The following BBS10 variants were observed in gnomAD, a reference collection of about 807,000 sequenced individuals.
BBS10 encodes Bardet-Biedl syndrome 10, also known as BBSome complex assembly protein BBS10.
BBS10 carries 13 observed loss-of-function variants against 12.7 expected under a neutral mutation model. The observed-to-expected ratio is 1.03, with a 90% confidence interval of 0.67 to 1.63. BBS10 has a LOEUF of 1.63. BBS10 is among the 40% of genes most tolerant of loss of function. BBS10 has a pLI of 0.00. For synonymous variants in BBS10, 294 were observed against 304.8 expected (o/e 0.96, Z 0.37); for missense variants, 858 against 858.0 (o/e 1.00, Z 0.00).
chr12:76,348,398 C>G lies in BBS10; in HGVS notation c.-40G>C. The G allele has an allele frequency of 6.5e-7, 1 of 1,545,760 alleles. No homozygotes were observed. The highest frequency in any genetic ancestry group is 1.4e-5 in the African/African-American group (1 of 73,172). On this transcript the variant is annotated 5_prime_UTR_variant, in exon 1 of 2. Transcript: ENST00000650064. ...CCCTTTTTGACCAGCTTGCAGAACACCCGGGCCGACCGAAAACAGGGGTGG... is the reference window on the plus strand; with the variant it reads ...CCCTTTTTGACCAGCTTGCAGAACAGCCGGGCCGACCGAAAACAGGGGTGG...
In BBS10 at chr12:76,345,710, A is replaced by AT; in HGVS notation, c.*102dup. 1.9e-6 allele frequency: 2 copies of AT among 1,062,236 alleles called. No individual in the cohort carries two copies. Among genetic ancestry groups the AT allele is most frequent in the Non-Finnish European group, 2.8e-6 (2 of 703,662 alleles). The allele number at this position is 1,062,236 out of a possible 1,614,324, so 65.8% of individuals were successfully genotyped here. A position where few individuals can be genotyped will look rare whatever the true frequency, so the allele number is the denominator to read the frequency against. On this transcript the variant is annotated 3_prime_UTR_variant, in exon 2 of 2. Coordinates refer to ENST00000650064, the MANE Select transcript of BBS10 (RefSeq NM_024685.4). ...TTCTAAAGACTTTTAAAGTTACGCT[A>AT]TTTTCCTAAGTAGACTGAACTGACT...
rs956772858 is a variant in BBS10 at position 76,344,667 on chromosome 12, G to A, written c.*1146C>T. ...CAACACTTATTCAACTATAATTAAAGTTTTTTTTCTTCAGTCAATCCCAAG... is the reference window on the plus strand; with the variant it reads ...CAACACTTATTCAACTATAATTAAAATTTTTTTTCTTCAGTCAATCCCAAG... On this transcript the variant is annotated 3_prime_UTR_variant, in exon 2 of 2. Transcript: ENST00000650064. The A allele has an allele frequency of 1.3e-5, 2 of 152,002 alleles. No homozygotes were observed. The highest frequency in any genetic ancestry group is 2.1e-4 in the South Asian group (1 of 4,814). 9.4% of individuals were successfully genotyped at this position (152,002 alleles called of 1,614,324 possible).
At position 76,347,210 on chromosome 12, in the gene BBS10, T is replaced by C; in HGVS notation, c.775A>G (p.Ile259Val). Reference protein sequence around the residue: ...RPADGDMRMVIVTETIQPLFS... With the variant: ...RPADGDMRMVVVTETIQPLFS... ...AGAGGCTGAATGGTTTCTGTTACTA[T>C]CACCATTCGCATGTCACCATCTGCT... The change falls in exon 2 of 2, where the codon ATA becomes GTA. Residue 259 changes from isoleucine to valine, a missense_variant. Coordinates refer to ENST00000650064, the MANE Select transcript of BBS10 (RefSeq NM_024685.4). The C allele has an allele frequency of 1.2e-6, 2 of 1,611,784 alleles. No homozygotes were observed. Among genetic ancestry groups the C allele is most frequent in the Non-Finnish European group, 1.7e-6 (2 of 1,179,926 alleles).
rs79517322 is a variant in BBS10 at position 76,345,315 on chromosome 12, T to C, written c.*498A>G. ...TTTACTCACTGCTAATTTAATTTTATGCTTTTTGAAAAAAATAATTTGAGC... is the reference window on the plus strand; with the variant it reads ...TTTACTCACTGCTAATTTAATTTTACGCTTTTTGAAAAAAATAATTTGAGC... On this transcript the variant is annotated 3_prime_UTR_variant, in exon 2 of 2. Coordinates refer to ENST00000650064, the MANE Select transcript of BBS10 (RefSeq NM_024685.4). 0.07 allele frequency: 10,743 copies of C among 152,716 alleles called. 506 individuals carry two copies. Among genetic ancestry groups the C allele is most frequent in the Middle Eastern group, 0.15 (45 of 294 alleles). The allele number at this position is 152,716 out of a possible 1,614,324, so 9.5% of individuals were successfully genotyped here. A position where few individuals can be genotyped will look rare whatever the true frequency, so the allele number is the denominator to read the frequency against.
At position 76,347,170 on chromosome 12, in the gene BBS10, C is replaced by A. The variant is rs781723681; in HGVS notation, c.815G>T (p.Gly272Val). The A allele has an allele frequency of 6.2e-7, 1 of 1,610,946 alleles. No individual in the cohort carries two copies. Among genetic ancestry groups the A allele is most frequent in the East Asian group, 2.2e-5 (1 of 44,876 alleles). ...ETIQPLFSTS[G>V]SEFILNSEAQ... ...TTCTGAATTTAGAATAAACTCTGAT[C>A]CAGAAGTGGAAAAAAGAGGCTGAAT... is the stretch of plus-strand genomic sequence containing the variant. The change falls in exon 2 of 2, where the codon GGA becomes GTA. Residue 272 changes from glycine to valine, a missense_variant. Gly to Val is a moderately radical substitution (Grantham distance 109). Coordinates refer to ENST00000650064, the MANE Select transcript of BBS10 (RefSeq NM_024685.4).
Position 76,346,668 on chromosome 12 carries a change from T to C in BBS10, c.1317A>G (p.Gln439=), listed in dbSNP as rs1951761340. 6.2e-7 allele frequency: 1 copy of C among 1,613,978 alleles called. No individual in the cohort carries two copies. The highest frequency in any genetic ancestry group is 1.3e-5 in the African/African-American group (1 of 74,928). The change falls in exon 2 of 2, where the codon CAA becomes CAG. Residue 439 remains glutamine (Q), a synonymous_variant. Coordinates refer to ENST00000650064, the MANE Select transcript of BBS10 (RefSeq NM_024685.4). Reference sequence around the variant, plus strand: ...AAATAAAAAGACTTGAAGTGCCATTTTGGTCATTGGTTTGTGTCATGTAAT... The same window carrying C: ...AAATAAAAAGACTTGAAGTGCCATTCTGGTCATTGGTTTGTGTCATGTAAT... ...DLNYMTQTND[Q]NGTSSLFIYK... is the part of the protein sequence containing the mutation.
chr12:76,346,605 A>G lies in BBS10; in HGVS notation c.1380T>C (p.Pro460=). The change falls in exon 2 of 2, where the codon CCT becomes CCC. Residue 460 remains proline (P), a synonymous_variant. Coordinates refer to ENST00000650064, the MANE Select transcript of BBS10 (RefSeq NM_024685.4). Reference sequence around the variant, plus strand: ...AAGGCCTTTGTATTGAGCCATTACCAGGATCTGGTGCTTGATAACTTTCTC... The same window carrying G: ...AAGGCCTTTGTATTGAGCCATTACCGGGATCTGGTGCTTGATAACTTTCTC... The part of the protein sequence containing the change: ...NSGESYQAPD[P]GNGSIQRPYQ... 6.2e-7 allele frequency: 1 copy of G among 1,614,134 alleles called. No individual in the cohort carries two copies. The highest frequency in any genetic ancestry group is 8.5e-7 in the Non-Finnish European group (1 of 1,179,988).
chr12:76,347,173 GAA>G lies in BBS10; in HGVS notation c.810_811del (p.Ser271TrpfsTer32). 6.2e-7 allele frequency: 1 copy of G among 1,611,000 alleles called. No homozygotes were observed. Among genetic ancestry groups the G allele is most frequent in the Non-Finnish European group, 8.5e-7 (1 of 1,179,992 alleles). On this transcript the variant is annotated frameshift_variant, in exon 2 of 2. Transcript: ENST00000650064. LOFTEE classifies it low-confidence loss of function (END_TRUNC). ...TGAATTTAGAATAAACTCTGATCCA[GAA>G]GTGGAAAAAAGAGGCTGAATGGTTT...
At position 76,346,020 on chromosome 12, in the gene BBS10, T is replaced by C. The variant is rs1286938432; in HGVS notation, c.1965A>G (p.Pro655=). 22 of 1,613,884 alleles carry C rather than the reference T, an allele frequency of 1.4e-5. 1 individual carries two copies. The highest frequency in any genetic ancestry group is 1.8e-5 in the Non-Finnish European group (21 of 1,179,904). The change falls in exon 2 of 2, where the codon CCA becomes CCG. Residue 655 remains proline, a synonymous_variant. Coordinates refer to ENST00000650064, the MANE Select transcript of BBS10 (RefSeq NM_024685.4). ...CATGGACAGCTCTTATATATGTATG[T>C]GGAAAGCTGTACTTTCCTGTTTTAG... The part of the protein sequence containing the change: ...YKSKTGKYSF[P]HTYIRAVHAL...
rs762271852 is a variant in BBS10, at chr12:76,346,458, G to C, written c.1527C>G (p.Pro509=). ...GGAATGTATCTGTTGGTGTCAGTGT[G>C]GGGGTTGAATACGGAATATATGTTT... ...ELETYIPYST[P]TLTPTDTFQT... is the part of the protein sequence containing the mutation. The change falls in exon 2 of 2, where the codon CCC becomes CCG. Residue 509 remains proline, a synonymous_variant. Transcript: ENST00000650064. 19 of 1,614,012 alleles carry C rather than the reference G, an allele frequency of 1.2e-5. No individual in the cohort carries two copies. The highest frequency in any genetic ancestry group is 1.4e-5 in the Non-Finnish European group (17 of 1,179,996).
rs369568667 is a variant in BBS10, at chr12:76,348,202, G to A, written c.157C>T (p.Arg53Cys). ...GEVLLSRNGG[R>C]LLEALHLEHP... is the part of the protein sequence containing the mutation. Reference sequence around the variant, plus strand: ...TCTAAGTGTAGCGCCTCCAGGAGGCGGCCTCCATTCCGGCTGAGAAGCACC... The same window carrying A: ...TCTAAGTGTAGCGCCTCCAGGAGGCAGCCTCCATTCCGGCTGAGAAGCACC... The change falls in exon 1 of 2, where the codon CGC becomes TGC. Residue 53 changes from arginine to cysteine, a missense_variant. Arg to Cys is a radical substitution (Grantham distance 180). Coordinates refer to ENST00000650064, the MANE Select transcript of BBS10 (RefSeq NM_024685.4). 6.2e-7 allele frequency: 1 copy of A among 1,613,274 alleles called. No individual in the cohort carries two copies. Among genetic ancestry groups the A allele is most frequent in the African/African-American group, 1.3e-5 (1 of 74,900 alleles).
In BBS10 at chr12:76,348,372, C is replaced by G; in HGVS notation, c.-14G>C. The G allele has an allele frequency of 3.2e-6, 5 of 1,565,596 alleles. No homozygotes were observed. Among genetic ancestry groups the G allele is most frequent in the Non-Finnish European group, 4.3e-6 (5 of 1,155,614 alleles). Reference sequence around the variant, plus strand: ...AGAACTTAACATATCTGGGCCGCTTCCCCTTTTTGACCAGCTTGCAGAACA... The same window carrying G: ...AGAACTTAACATATCTGGGCCGCTTGCCCTTTTTGACCAGCTTGCAGAACA... On this transcript the variant is annotated 5_prime_UTR_variant, in exon 1 of 2. Transcript: ENST00000650064.
rs1951757790 is a variant in BBS10 at position 76,346,360 on chromosome 12, T to A, written c.1625A>T (p.Lys542Met). Residue 542 changes from lysine (K) to methionine (M), a missense_variant, in exon 2 of 2, where the codon AAG becomes ATG. Lys to Met is a moderately conservative substitution (Grantham distance 95, BLOSUM62 -1). Coordinates refer to ENST00000650064, the MANE Select transcript of BBS10 (RefSeq NM_024685.4). ...RLTDYYEPLL[K>M]NNSTAYSTRG... ...TGTTGAATAAGCAGTGGAATTGTTC[T>A]TGAGTAATGGTTCATAATAATCAGT... 1 of 1,613,970 alleles carries A rather than the reference T, an allele frequency of 6.2e-7. No individual in the cohort carries two copies. The highest frequency in any genetic ancestry group is 1.7e-5 in the Admixed American group (1 of 60,000).
chr12:76,346,055 G>A lies in BBS10; in HGVS notation c.1930C>T (p.Leu644Phe). ...TACTTTCCTGTTTTAGATTTATAAA[G>A]GACTTTGGGAATGCCTAAAAGTGCA... ...ANALLGIPKV[L>F]YKSKTGKYSF... is the part of the protein sequence containing the mutation. Residue 644 changes from leucine (L) to phenylalanine (F), a missense_variant, in exon 2 of 2, where the codon CTT becomes TTT. Leu to Phe is a conservative substitution (Grantham distance 22, BLOSUM62 0). Coordinates refer to ENST00000650064, the MANE Select transcript of BBS10 (RefSeq NM_024685.4). 1 of 1,613,848 alleles carries A rather than the reference G, an allele frequency of 6.2e-7. No individual in the cohort carries two copies. The highest frequency in any genetic ancestry group is 2.2e-5 in the East Asian group (1 of 44,870).
In BBS10 at chr12:76,345,584, G is replaced by GA. The variant is rs939077713; in HGVS notation, c.*228dup. ...CTGAGACACAGAGGCATAAAATAGG[G>GA]AAAAAACAGACACACTTAGCCAAAT... On this transcript the variant is annotated 3_prime_UTR_variant, in exon 2 of 2. Transcript: ENST00000650064. The GA allele has an allele frequency of 2.0e-6, 1 of 500,872 alleles. No homozygotes were observed. The highest frequency in any genetic ancestry group is 1.9e-5 in the African/African-American group (1 of 51,662). The allele number at this position is 500,872 out of a possible 1,614,324, so 31.0% of individuals were successfully genotyped here. A position where few individuals can be genotyped will look rare whatever the true frequency, so the allele number is the denominator to read the frequency against.
At position 76,346,800 on chromosome 12, in the gene BBS10, G is replaced by GT. The variant is rs786204573; in HGVS notation, c.1184dup (p.His395GlnfsTer14). The GT allele has an allele frequency of 1.9e-6, 3 of 1,614,044 alleles. No homozygotes were observed. Among genetic ancestry groups the GT allele is most frequent in the Non-Finnish European group, 2.5e-6 (3 of 1,180,010 alleles). On this transcript the variant is annotated frameshift_variant, in exon 2 of 2. Coordinates refer to ENST00000650064, the MANE Select transcript of BBS10 (RefSeq NM_024685.4). LOFTEE classifies it low-confidence loss of function (END_TRUNC). ...GCACTGGTCCACAAAGAACTATAGA[G>GT]TGTGGTATAAATGCACATGTGCTTA...
chr12:76,345,819 T>C lies in BBS10; in HGVS notation c.2166A>G (p.Glu722=), dbSNP rs747553162. Residue 722 remains glutamate, a synonymous_variant, in exon 2 of 2, where the codon GAA becomes GAG. Transcript: ENST00000650064. ...QKVHNQDSED[E]L The stretch of plus-strand genomic sequence containing the variant: ...TAATTAAAAACTTCTGATGTTATAG[T>C]TCATCTTCTGAATCTTGATTGTGAA... 1.2e-6 allele frequency: 2 copies of C among 1,613,022 alleles called. No individual in the cohort carries two copies. Among genetic ancestry groups the C allele is most frequent in the South Asian group, 1.1e-5 (1 of 91,010 alleles).
At position 76,344,832 on chromosome 12, in the gene BBS10, G is replaced by C. The variant is rs930148037; in HGVS notation, c.*981C>G. The C allele has an allele frequency of 5.3e-5, 8 of 151,946 alleles. No individual in the cohort carries two copies. The highest frequency in any genetic ancestry group is 1.9e-4 in the African/African-American group (8 of 41,458). 9.4% of individuals were successfully genotyped at this position (151,946 alleles called of 1,614,324 possible). ...TTGGGTATTACAGAGAACTGATAAA[G>C]GTAGAAAACACTGTCCTTGTCCATG... is the stretch of plus-strand genomic sequence containing the variant. On this transcript the variant is annotated 3_prime_UTR_variant, in exon 2 of 2. Transcript: ENST00000650064.
chr12:76,346,660 G>C lies in BBS10; in HGVS notation c.1325C>G (p.Thr442Ser), dbSNP rs780966013. 4 of 1,614,032 alleles carry C rather than the reference G, an allele frequency of 2.5e-6. No homozygotes were observed. The highest frequency in any genetic ancestry group is 2.5e-6 in the Non-Finnish European group (3 of 1,179,970). Residue 442 changes from threonine (T) to serine (S), a missense_variant, in exon 2 of 2, where the codon ACT becomes AGT. Physicochemically the swap from Thr to Ser is moderately conservative, Grantham distance 58. Transcript: ENST00000650064. ...GTTCTTATAAATAAAAAGACTTGAA[G>C]TGCCATTTTGGTCATTGGTTTGTGT... is the stretch of plus-strand genomic sequence containing the variant. ...YMTQTNDQNG[T>S]SSLFIYKNSG...
Sources: allele counts gnomAD v4.1 joint callset, GRCh38; gene constraint gnomAD v4.1.1; transcripts MANE v1.5; gene names NCBI Gene and HGNC (gene_info 2026-07-23, HGNC 2026-07-21).